The following ACYP2 variants were observed in gnomAD, a reference collection of about 807,000 sequenced individuals.
ACYP2 encodes the protein acylphosphatase 2, also known as acylphosphatase-2.
In ACYP2, 12 loss-of-function variants were observed where a neutral mutation model predicts 11.2. The ratio of observed to expected loss-of-function variants is 1.08; its 90% CI spans 0.69 to 1.74. ACYP2 has a LOEUF of 1.74. Ranked by LOEUF, ACYP2 falls within the 40% of genes most tolerant of loss-of-function variation. The pLI is 0.00. For synonymous variants in ACYP2, 43 were observed against 32.2 expected (o/e 1.33, Z -1.13); for missense variants, 134 against 101.9 (o/e 1.31, Z -1.35).
At chr2:54,184,768 G>T (rs1683896357) in intron 6 of ACYP2, among the ~76,000 whole-genome samples, 1 of 152,024 alleles carries the variant, frequency 6.6e-6, no homozygotes, top group Non-Finnish European at 1.5e-5. Context: ...AATGGGAAGG[G>T]GTGCTATGTT....
chr2:54,151,076 A>G (rs374194788), intron 6 of ACYP2, among the ~76,000 whole-genome samples: 20 of 152,204 alleles, frequency 1.3e-4, no homozygotes, highest in Non-Finnish European at 1.3e-4. Flanking sequence ...ATGATTGCGC[A>G]TGTACTTAAA....
intron 2 of ACYP2, among the ~76,000 whole-genome samples, chr2:54,040,819 G>A (rs1675180662): frequency 6.6e-6 from 1 of 152,216 alleles, no homozygotes; most frequent in African/African-American, 2.4e-5. Context: ...AGGTTTTAGA[G>A]AGGTACTGGA....
chr2:54,112,344 G>C (rs143790632), intron 4 of ACYP2, among the ~76,000 whole-genome samples: 1 of 152,112 alleles, frequency 6.6e-6, no homozygotes, highest in Non-Finnish European at 1.5e-5. Flanking sequence ...TGCATTGTAC[G>C]TGAAGGACCT....
intron 6 of ACYP2, among the ~76,000 whole-genome samples, chr2:54,279,607 G>C (rs1291374834): frequency 2.6e-5 from 3 of 115,676 alleles, no homozygotes; most frequent in Non-Finnish European, 5.8e-5. Context: ...CTCAAGAGCT[G>C]CAGTCTCTAT....
chr2:53,990,921 C>T (rs1389053824), intron 2 of ACYP2, among the ~76,000 whole-genome samples: 2 of 151,864 alleles, frequency 1.3e-5, no homozygotes, highest in African/African-American at 4.8e-5. Context: ...CTCAGCCTCC[C>T]GAGTAGCTGT....
At chr2:54,065,707 C>T in intron 4 of ACYP2, 1 of 390,520 alleles carries the variant, frequency 2.6e-6, no homozygotes. Flanking sequence ...AAATGTTTAA[C>T]AGGCTGTAGC....
chr2:54,043,926 A>T (rs1383071134), intron 2 of ACYP2, among the ~76,000 whole-genome samples: 3 of 152,150 alleles, frequency 2.0e-5, no homozygotes, highest in African/African-American at 7.2e-5. Context: ...AACTACCCAC[A>T]TTTTTTAGGG....
At chr2:54,184,496 G>C (rs772766361) in intron 6 of ACYP2, among the ~76,000 whole-genome samples, 1 of 152,142 alleles carries the variant, frequency 6.6e-6, no homozygotes, top group East Asian at 1.9e-4. Context: ...TCATGCTTAA[G>C]CTAGTTTAAA....
At chr2:54,082,272 G>C (rs1209511043) in intron 4 of ACYP2, among the ~76,000 whole-genome samples, 3 of 146,008 alleles carry the variant, frequency 2.1e-5, no homozygotes, top group African/African-American at 2.5e-5. Context: ...TTGAGATGAA[G>C]TCTCACTCTA....
At chr2:54,210,141 CAAAAAAAAA>C (rs57860939) in intron 6 of ACYP2, among the ~76,000 whole-genome samples, 17 of 70,998 alleles carry the variant, frequency 2.4e-4, no homozygotes, top group Admixed American at 5.0e-4. Flanking sequence ...GACTGTGTCT[CAAAAAAAAA>C]AAAAAAAAAA....
At chr2:54,265,917 G>A (rs1225889849) in intron 6 of ACYP2, among the ~76,000 whole-genome samples, 1 of 152,076 alleles carries the variant, frequency 6.6e-6, no homozygotes, top group Non-Finnish European at 1.5e-5. Context: ...TGCTATCTAG[G>A]ACTCAGCATC....
chr2:54,219,905 A>ATATATATATTTTTTTT (rs1288814375), intron 6 of ACYP2, among the ~76,000 whole-genome samples: 1 of 76,000 alleles, frequency 1.3e-5, no homozygotes, highest in Non-Finnish European at 2.4e-5. Flanking sequence ...ATATATATAT[A>ATATATATATTTTTTTT]TTTTTTTTTT....
intron 6 of ACYP2, among the ~76,000 whole-genome samples, chr2:54,149,936 G>T (rs926138247): frequency 3.3e-5 from 5 of 152,208 alleles, no homozygotes; most frequent in Non-Finnish European, 5.9e-5. Flanking sequence ...ACATAGGAAA[G>T]GGTAAATGTT....
chr2:54,149,092 AAC>A (rs768878457), intron 6 of ACYP2, among the ~76,000 whole-genome samples: 57 of 152,246 alleles, frequency 3.7e-4, no homozygotes, highest in Non-Finnish European at 7.5e-4. Flanking sequence ...CAGTACAAAA[AAC>A]ACAAAAATTA....
intron 6 of ACYP2, among the ~76,000 whole-genome samples, chr2:54,159,180 A>T (rs1201546522): frequency 6.6e-6 from 1 of 151,990 alleles, no homozygotes; most frequent in Non-Finnish European, 1.5e-5. Flanking sequence ...CTTTAAAAAA[A>T]AAAAAATCCT....
chr2:54,066,790 G>A lies in ACYP2; in HGVS notation c.277+9430G>A, dbSNP rs1035531005. ...TTTAAGTGGCTAAAAGAAGCCATCA[G>A]GATCTCTGACCTATCCAGACATGGT... On this transcript the variant is annotated intron_variant, in intron 4 of 6. Coordinates refer to ENST00000607452, the MANE Select transcript of ACYP2 (RefSeq NM_001320586.2). Among the ~76,000 whole-genome samples the A allele has an allele frequency of 4.4e-4, 67 of 152,292 alleles. 1 individual carries two copies. The highest frequency in any genetic ancestry group is 1.5e-3 in the South Asian group (7 of 4,820).
chr2:54,194,240 A>G (rs954057892), intron 6 of ACYP2, among the ~76,000 whole-genome samples: 1 of 152,046 alleles, frequency 6.6e-6, no homozygotes, highest in Admixed American at 6.6e-5. Flanking sequence ...GGGTTTCACC[A>G]TGTTGGCCAG....
intron 6 of ACYP2, among the ~76,000 whole-genome samples, chr2:54,148,358 A>G (rs909426492): frequency 1.3e-5 from 2 of 152,232 alleles, no homozygotes; most frequent in African/African-American, 4.8e-5. Flanking sequence ...TATCATTTTA[A>G]TGGGGCTTCA....
intron 6 of ACYP2, among the ~76,000 whole-genome samples, chr2:54,197,027 A>C (rs1684517862): frequency 6.6e-6 from 1 of 152,214 alleles, no homozygotes; most frequent in African/African-American, 2.4e-5. Flanking sequence ...TGTTAGGAGA[A>C]GGTACTAACA....
Sources: allele counts gnomAD v4.1 joint callset (sites outside exome capture counted in the v4.1 genomes callset), GRCh38; gene constraint gnomAD v4.1.1; transcripts MANE v1.5; gene names NCBI Gene and HGNC (gene_info 2026-07-23, HGNC 2026-07-21).